The following PCSK1 variants were observed in gnomAD, a reference collection of about 807,000 sequenced individuals.
PCSK1 encodes the protein neuroendocrine convertase 1.
A neutral mutation model predicts 90.6 loss-of-function variants in PCSK1; 56 were observed. That is an observed-to-expected ratio of 0.62 (90% CI 0.50 to 0.77). The LOEUF is 0.77. PCSK1 is among the 30% of genes least tolerant of loss of function. The pLI, the probability that PCSK1 is intolerant of heterozygous loss-of-function variation, is 0.00. For synonymous variants in PCSK1, 348 were observed against 342.4 expected (o/e 1.02, Z -0.18); for missense variants, 801 against 932.6 (o/e 0.86, Z 1.84).
At chr5:96,412,820 A>T in intron 6 of PCSK1, 1 of 330,100 alleles carries the variant, frequency 3.0e-6, no homozygotes, top group Non-Finnish European at 4.6e-6. Context: ...CTGGGCATTG[A>T]GTCTGAAGTG....
chr5:96,419,425 C>G (rs181179287), intron 5 of PCSK1, among the ~76,000 whole-genome samples: 3 of 148,712 alleles, frequency 2.0e-5, no homozygotes, highest in Admixed American at 1.3e-4. Context: ...CTCTCTCTCT[C>G]TCTCTCTCTC....
At position 96,395,000 on chromosome 5, in the gene PCSK1, C is replaced by A; in HGVS notation, c.1748G>T (p.Arg583Ile). ...DMSGRIQNEGRIVNWKLILHG... is the reference protein window; with the variant it reads ...DMSGRIQNEGIIVNWKLILHG... ...CAAAATCAGCTTCCAGTTCACAATT[C>A]TTCCTTCATTTTGAATTCTTCCAGA... The change falls in exon 13 of 14, where the codon AGA becomes ATA. Residue 583 changes from arginine to isoleucine, a missense_variant. Physicochemically the swap from Arg to Ile is moderately conservative, Grantham distance 97. Coordinates refer to ENST00000311106, the MANE Select transcript of PCSK1 (RefSeq NM_000439.5). The A allele has an allele frequency of 6.2e-7, 1 of 1,613,880 alleles. No homozygotes were observed. Among genetic ancestry groups the A allele is most frequent in the South Asian group, 1.1e-5 (1 of 91,080 alleles).
intron 7 of PCSK1, among the ~76,000 whole-genome samples, chr5:96,411,934 C>T (rs1244685864): frequency 2.0e-5 from 3 of 152,150 alleles, no homozygotes; most frequent in Non-Finnish European, 4.4e-5. Context: ...CTCAGCCTCC[C>T]GAGTAGCTGG....
At chr5:96,407,091 A>G (rs1760596994) in intron 9 of PCSK1, among the ~76,000 whole-genome samples, 2 of 152,258 alleles carry the variant, frequency 1.3e-5, no homozygotes, top group South Asian at 2.1e-4. Flanking sequence ...TAAAAGACAT[A>G]TAATTAATGT....
intron 3 of PCSK1, among the ~76,000 whole-genome samples, chr5:96,424,979 T>TAGAA (rs902326612): frequency 0.025 from 1,644 of 65,488 alleles, 37 homozygotes; most frequent in African/African-American, 0.038. Context: ...AAAAGAAAGA[T>TAGAA]AGAAAGAAAG....
intron 9 of PCSK1, among the ~76,000 whole-genome samples, chr5:96,402,513 T>A (rs1319580935): frequency 2.6e-5 from 4 of 152,120 alleles, no homozygotes; most frequent in Admixed American, 2.0e-4. Flanking sequence ...TCCACTCCCG[T>A]ACTCTCTTGG....
At chr5:96,422,052 T>C in intron 4 of PCSK1, 96 bp from the exon 5 acceptor site, 1 of 741,598 alleles carries the variant, frequency 1.3e-6, no homozygotes, top group South Asian at 1.5e-5. Context: ...CCCTATGCCT[T>C]CCCATCCTGG....
At chr5:96,432,111 C>A in intron 1 of PCSK1, 1 of 1,535,572 alleles carries the variant, frequency 6.5e-7, no homozygotes, top group Non-Finnish European at 8.7e-7. Flanking sequence ...AGAAATAGAT[C>A]CCTTCCCCAT....
At chr5:96,401,309 GAGA>G (rs1346449036) in intron 9 of PCSK1, among the ~76,000 whole-genome samples, 1 of 152,160 alleles carries the variant, frequency 6.6e-6, no homozygotes, top group Admixed American at 6.5e-5. Context: ...AGTGGAGATA[GAGA>G]AGAAGGCCAC....
chr5:96,405,266 C>T (rs1393430422), intron 9 of PCSK1, among the ~76,000 whole-genome samples: 1 of 152,150 alleles, frequency 6.6e-6, no homozygotes, highest in Non-Finnish European at 1.5e-5. Context: ...AGATCATAGA[C>T]TCTTAATATC....
In PCSK1 at chr5:96,391,518, T is replaced by C. The variant is rs1759936885; in HGVS notation, c.*1483A>G. 2 of 152,240 alleles carry C rather than the reference T, an allele frequency of 1.3e-5. No individual in the cohort carries two copies. Among genetic ancestry groups the C allele is most frequent in the Non-Finnish European group, 2.9e-5 (2 of 68,050 alleles). 9.4% of individuals were successfully genotyped at this position (152,240 alleles called of 1,614,324 possible). A position where few individuals can be genotyped will look rare whatever the true frequency, so the allele number is the denominator to read the frequency against. Reference sequence around the variant, plus strand: ...AGGTGAGATTACATAAGCAAACTCATAATTATTATTGTACAGATCCTGCCT... The same window carrying C: ...AGGTGAGATTACATAAGCAAACTCACAATTATTATTGTACAGATCCTGCCT... On this transcript the variant is annotated 3_prime_UTR_variant, in exon 14 of 14. Transcript: ENST00000311106.
At chr5:96,403,599 T>C (rs1220349073) in intron 9 of PCSK1, among the ~76,000 whole-genome samples, 1 of 152,214 alleles carries the variant, frequency 6.6e-6, no homozygotes, top group Non-Finnish European at 1.5e-5. Flanking sequence ...CTGCATTGAG[T>C]GGCTAATCAA....
intron 9 of PCSK1, among the ~76,000 whole-genome samples, chr5:96,406,508 T>C (rs1324294209): frequency 1.3e-5 from 2 of 152,174 alleles, no homozygotes; most frequent in African/African-American, 4.8e-5. Flanking sequence ...GGTGGACTCT[T>C]GGTAAGAGCC....
intron 5 of PCSK1, among the ~76,000 whole-genome samples, chr5:96,421,013 A>G (rs1350157362): frequency 6.6e-6 from 1 of 152,190 alleles, no homozygotes; most frequent in Non-Finnish European, 1.5e-5. Context: ...AGAGAAAATG[A>G]AAAGGAAAGT....
chr5:96,410,430 C>A (rs1217630260), intron 8 of PCSK1, among the ~76,000 whole-genome samples: 1 of 151,882 alleles, frequency 6.6e-6, no homozygotes, highest in Non-Finnish European at 1.5e-5. Flanking sequence ...GTGATAAAGC[C>A]CCTACAACCC....
intron 7 of PCSK1, among the ~76,000 whole-genome samples, chr5:96,411,957 C>T (rs1056634956): frequency 1.3e-5 from 2 of 152,110 alleles, no homozygotes; most frequent in Admixed American, 6.5e-5. Flanking sequence ...CTATAGGCAT[C>T]TAAGTTGAGA....
chr5:96,394,424 T>G (rs1364967778), intron 13 of PCSK1, among the ~76,000 whole-genome samples: 1 of 152,194 alleles, frequency 6.6e-6, no homozygotes. Flanking sequence ...GCCTACATGA[T>G]TTGGCCATTT....
At chr5:96,395,245 A>G (rs980879050) in intron 12 of PCSK1, among the ~76,000 whole-genome samples, 30 of 152,222 alleles carry the variant, frequency 2.0e-4, no homozygotes, top group African/African-American at 6.8e-4. Context: ...ATTTAATTTA[A>G]AAATCAGAAA....
At chr5:96,421,054 T>C (rs940321637) in intron 5 of PCSK1, among the ~76,000 whole-genome samples, 1 of 152,166 alleles carries the variant, frequency 6.6e-6, no homozygotes, top group Non-Finnish European at 1.5e-5. Flanking sequence ...TGTGAGAACA[T>C]CGGTATGAGC....
Sources: gnomAD v4.1 joint callset for allele counts (sites outside exome capture counted in the v4.1 genomes callset) on GRCh38, gnomAD v4.1.1 for gene constraint, MANE v1.5 for transcripts, NCBI Gene and HGNC (gene_info 2026-07-23, HGNC 2026-07-21) for gene names.